The following PAPPA variants were observed in gnomAD, a reference collection of about 807,000 sequenced individuals.
The protein encoded by PAPPA is pappalysin-1.
Under a neutral mutation model 164.0 loss-of-function variants are expected in PAPPA, and 60 were observed. The observed-to-expected ratio is 0.37, with a 90% CI of 0.30 to 0.45. The LOEUF is 0.45. Ranked by LOEUF, PAPPA falls within the 20% of genes least tolerant of loss-of-function variation. The probability of loss-of-function intolerance (pLI) is 1.00; values close to 1 mark genes in which losing one functional copy is unlikely to be tolerated. For synonymous variants in PAPPA, 875 were observed against 814.1 expected (o/e 1.07, Z -1.27); for missense variants, 1,782 against 2,087.3 (o/e 0.85, Z 2.85).
At chr9:116,389,101 T>TAGAC (rs1266469138) in intron 21 of PAPPA, among the ~76,000 whole-genome samples, 2 of 151,768 alleles carry the variant, frequency 1.3e-5, no homozygotes, top group African/African-American at 4.8e-5. Flanking sequence ...CATCAGTGTC[T>TAGAC]CTTCTTGACC....
At chr9:116,328,542 T>A (rs1845949151) in intron 10 of PAPPA, among the ~76,000 whole-genome samples, 1 of 152,214 alleles carries the variant, frequency 6.6e-6, no homozygotes, top group South Asian at 2.1e-4. Flanking sequence ...ATTAATATTG[T>A]GCTTTCAGAA....
At chr9:116,250,295 C>A (rs745484003) in intron 7 of PAPPA, among the ~76,000 whole-genome samples, 1 of 152,182 alleles carries the variant, frequency 6.6e-6, no homozygotes, top group Non-Finnish European at 1.5e-5. Flanking sequence ...GCTCCCCTTC[C>A]ATTCTGATGC....
intron 10 of PAPPA, among the ~76,000 whole-genome samples, chr9:116,310,802 C>T (rs1234435838): frequency 2.0e-5 from 3 of 152,158 alleles, no homozygotes; most frequent in Non-Finnish European, 4.4e-5. Context: ...ACCTGATTTT[C>T]AGTTCTAGAG....
chr9:116,337,759 G>A (rs1356768195), intron 13 of PAPPA, among the ~76,000 whole-genome samples: 1 of 151,454 alleles, frequency 6.6e-6, no homozygotes. Context: ...TGTCTCTCCT[G>A]AGAGCAGTGT....
chr9:116,399,498 C>T lies in PAPPA; in HGVS notation c.*2882C>T, dbSNP rs2118750000. The stretch of plus-strand genomic sequence containing the variant: ...CTTCAGTCATCTTCTGTGTAGGTGA[C>T]CGGAGCACTGAGAGGCAGCTCTGAT... On this transcript the variant is annotated 3_prime_UTR_variant, in exon 22 of 22. Transcript: ENST00000328252. 6.6e-6 allele frequency: 1 copy of T among 152,662 alleles called. No individual in the cohort carries two copies. The highest frequency in any genetic ancestry group is 2.1e-4 in the South Asian group (1 of 4,820). The allele number at this position is 152,662 out of a possible 1,614,324, so 9.5% of individuals were successfully genotyped here.
chr9:116,338,405 G>A (rs1006092685), intron 13 of PAPPA, among the ~76,000 whole-genome samples: 1 of 152,176 alleles, frequency 6.6e-6, no homozygotes, highest in African/African-American at 2.4e-5. Flanking sequence ...CTTTCAGCCA[G>A]GGAGAACTTA....
intron 1 of PAPPA, among the ~76,000 whole-genome samples, chr9:116,180,658 T>A (rs1484707806): frequency 1.3e-5 from 2 of 152,124 alleles, no homozygotes; most frequent in Admixed American, 6.5e-5. Context: ...ATATAAATTG[T>A]CATCCTTTGC....
At chr9:116,168,884 G>C (rs892526177) in intron 1 of PAPPA, among the ~76,000 whole-genome samples, 2 of 152,078 alleles carry the variant, frequency 1.3e-5, no homozygotes, top group African/African-American at 4.8e-5. Flanking sequence ...AATTGTCTCT[G>C]AGCTCCTTGG....
intron 13 of PAPPA, among the ~76,000 whole-genome samples, chr9:116,340,833 T>C (rs73656810): frequency 0.013 from 1,975 of 152,280 alleles, 43 homozygotes; most frequent in African/African-American, 0.045. Context: ...TTTCATTAAC[T>C]CAATGCTACC....
intron 6 of PAPPA, among the ~76,000 whole-genome samples, chr9:116,228,068 G>A (rs950933392): frequency 6.6e-6 from 1 of 152,156 alleles, no homozygotes; most frequent in Admixed American, 6.5e-5. Context: ...CATAAAGGAA[G>A]TGCCTTATGA....
intron 9 of PAPPA, among the ~76,000 whole-genome samples, chr9:116,293,513 C>T (rs1041020972): frequency 1.3e-5 from 2 of 152,190 alleles, no homozygotes; most frequent in Non-Finnish European, 2.9e-5. Context: ...AGGGCAGATG[C>T]TCTGAGATGT....
At chr9:116,392,619 C>T (rs1588033896) in intron 21 of PAPPA, among the ~76,000 whole-genome samples, 1 of 152,202 alleles carries the variant, frequency 6.6e-6, no homozygotes, top group East Asian at 1.9e-4. Flanking sequence ...CCACCCTTTT[C>T]TTCTCAGCTT....
intron 17 of PAPPA, among the ~76,000 whole-genome samples, chr9:116,356,442 A>C (rs1441228044): frequency 6.6e-6 from 1 of 152,182 alleles, no homozygotes. Flanking sequence ...AGCCTGCTTT[A>C]AGGTCACTCC....
At chr9:116,243,801 A>T (rs1479365418) in intron 7 of PAPPA, among the ~76,000 whole-genome samples, 1 of 152,160 alleles carries the variant, frequency 6.6e-6, no homozygotes, top group Non-Finnish European at 1.5e-5. Context: ...AACCAGCATG[A>T]TTTCCAGTAA....
intron 21 of PAPPA, among the ~76,000 whole-genome samples, chr9:116,387,192 C>G (rs1334553506): frequency 6.6e-6 from 1 of 152,146 alleles, no homozygotes; most frequent in Non-Finnish European, 1.5e-5. Context: ...CATGTCATCT[C>G]ACTTAAACTC....
At chr9:116,253,596 A>G (rs559792906) in intron 7 of PAPPA, among the ~76,000 whole-genome samples, 10 of 152,294 alleles carry the variant, frequency 6.6e-5, no homozygotes, top group Admixed American at 1.3e-4. Flanking sequence ...AGACCAAAGT[A>G]CCTCTCAGTC....
intron 10 of PAPPA, among the ~76,000 whole-genome samples, chr9:116,329,488 C>T (rs1021543062): frequency 4.6e-5 from 7 of 152,266 alleles, no homozygotes; most frequent in Non-Finnish European, 1.0e-4. Flanking sequence ...AAAAATAACA[C>T]ACCACAAATA....
chr9:116,192,840 G>A (rs907525742), intron 2 of PAPPA, among the ~76,000 whole-genome samples: 1 of 152,072 alleles, frequency 6.6e-6, no homozygotes, highest in African/African-American at 2.4e-5. Flanking sequence ...TGGAAAACCT[G>A]GATATTAATA....
Position 116,367,643 on chromosome 9 carries a change from A to G in PAPPA, c.4496-2A>G. The G allele has an allele frequency of 6.2e-7, 1 of 1,611,810 alleles. No homozygotes were observed. The highest frequency in any genetic ancestry group is 8.5e-7 in the Non-Finnish European group (1 of 1,178,200). On this transcript the variant is annotated splice_acceptor_variant, in intron 18 of 21. Coordinates refer to ENST00000328252, the MANE Select transcript of PAPPA (RefSeq NM_002581.5). LOFTEE classifies it high-confidence loss of function. Reference sequence around the variant, plus strand: ...CTGCGCCTCATGCTGTACTTCCCTCAGGGTCGGAGTGTGCCACCTCGTGCC... The same window carrying G: ...CTGCGCCTCATGCTGTACTTCCCTCGGGGTCGGAGTGTGCCACCTCGTGCC...
Sources: gnomAD v4.1 joint callset for allele counts (sites outside exome capture counted in the v4.1 genomes callset) on GRCh38, gnomAD v4.1.1 for gene constraint, MANE v1.5 for transcripts, NCBI Gene and HGNC (gene_info 2026-07-23, HGNC 2026-07-21) for gene names.